Variants in CSGALNACT1 observed in about 807,000 individuals in gnomAD.
CSGALNACT1 encodes chondroitin sulfate N-acetylgalactosaminyltransferase 1, also known as beta4GalNAcT-1.
In CSGALNACT1, 52 loss-of-function variants were observed where a neutral mutation model predicts 51.0. The ratio of observed to expected loss-of-function variants is 1.02; its 90% CI spans 0.82 to 1.29. The LOEUF is 1.29. Ranked by LOEUF, CSGALNACT1 falls within the 50% of genes most tolerant of loss-of-function variation. CSGALNACT1 has a pLI of 0.00. For synonymous variants in CSGALNACT1, 341 were observed against 254.4 expected (o/e 1.34, Z -3.24); for missense variants, 935 against 679.2 (o/e 1.38, Z -4.19).
At chr8:19,562,902 A>G (rs1409455343) in intron 3 of CSGALNACT1, among the ~76,000 whole-genome samples, 1 of 152,216 alleles carries the variant, frequency 6.6e-6, no homozygotes, top group African/African-American at 2.4e-5. Context: ...CAGAAATATC[A>G]TTTGACCAAG....
At chr8:19,456,566 C>A (rs538087482) in intron 5 of CSGALNACT1, among the ~76,000 whole-genome samples, 1 of 152,224 alleles carries the variant, frequency 6.6e-6, no homozygotes, top group Admixed American at 6.5e-5. Context: ...ACCAGCGGCA[C>A]TGTGCCATTC....
intron 1 of CSGALNACT1, among the ~76,000 whole-genome samples, chr8:19,669,897 C>T (rs985625081): frequency 1.3e-5 from 2 of 152,210 alleles, no homozygotes; most frequent in African/African-American, 4.8e-5. Context: ...TCAGTTTCAT[C>T]TCCCAGCCCC....
At chr8:19,589,609 G>A (rs2047380071) in intron 3 of CSGALNACT1, among the ~76,000 whole-genome samples, 1 of 152,124 alleles carries the variant, frequency 6.6e-6, no homozygotes, top group African/African-American at 2.4e-5. Context: ...GGGATTATAG[G>A]TGTTAGCCAC....
At chr8:19,583,426 T>A (rs1350683949) in intron 3 of CSGALNACT1, among the ~76,000 whole-genome samples, 1 of 152,150 alleles carries the variant, frequency 6.6e-6, no homozygotes, top group Non-Finnish European at 1.5e-5. Flanking sequence ...TCTGGGAATG[T>A]CTTGAGAAGA....
Position 19,485,206 on chromosome 8 carries a change from G to T in CSGALNACT1, c.634+19995C>A, listed in dbSNP as rs113998023. Among the ~76,000 whole-genome samples, 641 of 152,180 alleles carry T rather than the reference G, an allele frequency of 4.2e-3. 4 individuals are homozygous for T. The highest frequency in any genetic ancestry group is 0.015 in the African/African-American group (606 of 41,520). Reference sequence around the variant, plus strand: ...ATTACACACACATATACCCCATCCAGCGTCTTCCCATCTCGGTCAATCACA... The same window carrying T: ...ATTACACACACATATACCCCATCCATCGTCTTCCCATCTCGGTCAATCACA... On this transcript the variant is annotated intron_variant, in intron 4 of 9. Transcript: ENST00000454498.
chr8:19,688,966 G>A (rs1389122223), intron 1 of CSGALNACT1: 2 of 152,234 alleles, frequency 1.3e-5, no homozygotes, highest in East Asian at 1.9e-4. Flanking sequence ...ATGGATAACA[G>A]TGCAGTGTCA....
chr8:19,624,297 A>C (rs2054182571), intron 1 of CSGALNACT1, among the ~76,000 whole-genome samples: 1 of 152,170 alleles, frequency 6.6e-6, no homozygotes. Flanking sequence ...TAAAACCCAC[A>C]AAAATATTCT....
chr8:19,576,982 T>G (rs1053900800), intron 3 of CSGALNACT1, among the ~76,000 whole-genome samples: 5 of 151,852 alleles, frequency 3.3e-5, no homozygotes, highest in Admixed American at 6.6e-5. Flanking sequence ...CCCCGCAAAT[T>G]ACATGAGCAA....
chr8:19,505,846 C>T lies in CSGALNACT1; in HGVS notation c.-12G>A, dbSNP rs772544344. ...CGAACCATCATCATTCAGGAATCAGCCATGCGTCCAGAACCGGTGGCATCC... is the reference window on the plus strand; with the variant it reads ...CGAACCATCATCATTCAGGAATCAGTCATGCGTCCAGAACCGGTGGCATCC... On this transcript the variant is annotated 5_prime_UTR_variant, in exon 4 of 10. An upstream open reading frame in the 5' UTR gains an earlier in-frame stop. Transcript: ENST00000454498. 1 of 1,607,578 alleles carries T rather than the reference C, an allele frequency of 6.2e-7. No homozygotes were observed. The highest frequency in any genetic ancestry group is 8.5e-7 in the Non-Finnish European group (1 of 1,179,982).
At chr8:19,711,758 A>G (rs376056121) in intron 1 of CSGALNACT1, among the ~76,000 whole-genome samples, 9 of 152,150 alleles carry the variant, frequency 5.9e-5, no homozygotes, top group South Asian at 2.1e-4. Flanking sequence ...GCCTTCATTG[A>G]CATGCCCACC....
intron 4 of CSGALNACT1, among the ~76,000 whole-genome samples, chr8:19,483,835 C>G (rs1434673826): frequency 2.0e-5 from 3 of 152,200 alleles, no homozygotes; most frequent in South Asian, 2.1e-4. Context: ...GTAGCAACAG[C>G]CTTTCTTCCA....
upstream of CSGALNACT1, among the ~76,000 whole-genome samples, chr8:19,603,796 GA>G (rs756157689): frequency 6.6e-6 from 1 of 152,102 alleles, no homozygotes; most frequent in Non-Finnish European, 1.5e-5. Context: ...AAAAAGGGGG[GA>G]AATCTACATA....
chr8:19,522,516 G>T (rs572347709), intron 3 of CSGALNACT1, among the ~76,000 whole-genome samples: 1 of 152,176 alleles, frequency 6.6e-6, no homozygotes, highest in African/African-American at 2.4e-5. Context: ...TTTAAAAGGC[G>T]ATGTATGTAA....
intron 3 of CSGALNACT1, among the ~76,000 whole-genome samples, chr8:19,525,956 G>C (rs6586841): frequency 0.35 from 52,744 of 152,006 alleles, 9,304 homozygotes; most frequent in African/African-American, 0.37. Flanking sequence ...ACTAGGTCTA[G>C]TGCGCATTTA....
chr8:19,696,422 G>A (rs1278814043), intron 1 of CSGALNACT1, among the ~76,000 whole-genome samples: 1 of 152,206 alleles, frequency 6.6e-6, no homozygotes, highest in African/African-American at 2.4e-5. Flanking sequence ...TTTAGCAGGA[G>A]AGAACAACAT....
At chr8:19,457,808 T>C (rs191625024) in intron 5 of CSGALNACT1, 65 of 1,351,328 alleles carry the variant, frequency 4.8e-5, no homozygotes, top group Middle Eastern at 2.1e-4. Context: ...AAAAACTTCA[T>C]CAGCAGGCCT....
intron 1 of CSGALNACT1, among the ~76,000 whole-genome samples, chr8:19,632,431 A>G (rs1002846046): frequency 3.3e-5 from 5 of 152,284 alleles, no homozygotes; most frequent in African/African-American, 1.2e-4. Flanking sequence ...AAAGATGCCT[A>G]GAAAGTCTTC....
exon 10 of CSGALNACT1, chr8:19,404,607 A>AATATATAT (rs3840719): frequency 2.2e-5 from 4 of 182,256 alleles, no homozygotes; most frequent in Non-Finnish European, 3.1e-5. Context: ...GATCTTTCAC[A>AATATATAT]ATATATATAT....
intron 5 of CSGALNACT1, among the ~76,000 whole-genome samples, chr8:19,440,780 C>T (rs2153751188): frequency 6.6e-6 from 1 of 151,986 alleles, no homozygotes; most frequent in Middle Eastern, 3.4e-3. Context: ...GTCAAATTGT[C>T]CCTGTTTGCA....
Sources: gnomAD v4.1 joint callset for allele counts (sites outside exome capture counted in the v4.1 genomes callset) on GRCh38, gnomAD v4.1.1 for gene constraint, MANE v1.5 for transcripts, NCBI Gene and HGNC (gene_info 2026-07-23, HGNC 2026-07-21) for gene names.